SETD1B: variants seen among roughly 807,000 people sequenced by gnomAD.
SETD1B encodes SET domain containing 1B, histone lysine methyltransferase, also known as histone-lysine N-methyltransferase SETD1B.
In SETD1B, 7 loss-of-function variants were observed where a neutral mutation model predicts 148.0. That is an observed-to-expected ratio of 0.05 (90% CI 0.03 to 0.09). SETD1B has a LOEUF of 0.09. Among genes scored for constraint, SETD1B ranks in the 10% least tolerant of loss-of-function variants. SETD1B has a pLI of 1.00. For synonymous variants in SETD1B, 1,361 were observed against 1,186.5 expected (o/e 1.15, Z -3.02); for missense variants, 2,155 against 2,729.9 (o/e 0.79, Z 4.69).
Position 121,827,726 on chromosome 12 carries a change from C to T in SETD1B, c.5470-9C>T. ...CGGGGCTCACCTCTCCCCCTCTTCC[C>T]TCCCACAGTTCCGGAAGAAAAAGCT... On this transcript the variant is annotated splice_polypyrimidine_tract_variant and intron_variant, in intron 14 of 16. Coordinates refer to ENST00000604567, the MANE Select transcript of SETD1B (RefSeq NM_001353345.2). 6.4e-7 allele frequency: 1 copy of T among 1,551,886 alleles called. No homozygotes were observed.
chr12:121,797,712 G>A, the SETD1B span: 3 of 418,830 alleles, frequency 7.2e-6, no homozygotes, highest in South Asian at 3.4e-5. Flanking sequence ...CACCCGGAGA[G>A]CAACGAAGAC....
chr12:121,823,346 G>GCCACCC lies in SETD1B; in HGVS notation c.4779_4784dup (p.Pro1597_Pro1598dup), dbSNP rs1876677783. The stretch of plus-strand genomic sequence containing the variant: ...CCCCTCCACCACCCCTTCCCCCCCA[G>GCCACCC]CCACCCCCACCCCCACCTCCCCCAC... On this transcript the variant is annotated inframe_insertion, in exon 12 of 17. Coordinates refer to ENST00000604567, the MANE Select transcript of SETD1B (RefSeq NM_001353345.2). The GCCACCC allele has an allele frequency of 3.6e-5, 5 of 138,000 alleles. No individual in the cohort carries two copies. Among genetic ancestry groups the GCCACCC allele is most frequent in the African/African-American group, 4.1e-4 (2 of 4,888 alleles). The allele number at this position is 138,000 out of a possible 1,614,324, so 8.5% of individuals were successfully genotyped here.
chr12:121,793,734 A>G, the SETD1B span: 1 of 1,113,848 alleles, frequency 9.0e-7, no homozygotes, highest in South Asian at 1.9e-5. Context: ...CACTCGGAGC[A>G]GCGCCGCCTC....
chr12:121,825,110 G>T, intron 12 of SETD1B, 90 bp from the exon 13 acceptor site: 1 of 1,350,386 alleles, frequency 7.4e-7, no homozygotes, highest in South Asian at 1.4e-5. Context: ...CGCTGTCCCT[G>T]AAGGGTGGTC....
In SETD1B at chr12:121,830,379, C is replaced by A. The variant is rs1041727247; in HGVS notation, c.*140C>A. The stretch of plus-strand genomic sequence containing the variant: ...TACCCAGCGGCCATTCAGGGCCTGG[C>A]GCCCCACACTACCCCCTGGAGCCCC... On this transcript the variant is annotated 3_prime_UTR_variant, in exon 17 of 17. Transcript: ENST00000604567. The surrounding 1 kb of genome is among the most constrained non-coding windows in gnomAD (Gnocchi z 5.7). The A allele has an allele frequency of 5.3e-6, 4 of 758,210 alleles. No individual in the cohort carries two copies. In the Admixed American group the frequency reaches 1.2e-4, roughly 23 times the overall value. The allele number at this position is 758,210 out of a possible 1,614,324, so 47.0% of individuals were successfully genotyped here.
In SETD1B at chr12:121,805,098, C is replaced by T. The variant is rs1441237829; in HGVS notation, c.175-20C>T. ...GGGGGACCAGTTCTCTCATCCCGGC[C>T]CCCCAATTTCTCCCCACAGATGTCC... On this transcript the variant is annotated intron_variant, in intron 2 of 16. Coordinates refer to ENST00000604567, the MANE Select transcript of SETD1B (RefSeq NM_001353345.2). The surrounding 1 kb of genome is among the most constrained non-coding windows in gnomAD (Gnocchi z 4.2). 2 of 1,548,316 alleles carry T rather than the reference C, an allele frequency of 1.3e-6. No individual in the cohort carries two copies. The highest frequency in any genetic ancestry group is 1.4e-5 in the African/African-American group (1 of 73,090).
At chr12:121,813,958 TGAA>T (rs962213844) in intron 6 of SETD1B, 145 bp from the exon 7 acceptor site, 4 of 609,464 alleles carry the variant, frequency 6.6e-6, no homozygotes, top group African/African-American at 1.9e-5. Flanking sequence ...ATTTTGCAAA[TGAA>T]GACGCTGAGG....
upstream of SETD1B, chr12:121,799,740 G>GGGGGGGC (rs1566540807): frequency 9.2e-6 from 1 of 109,010 alleles, no homozygotes; most frequent in African/African-American, 3.1e-5. Context: ...GTGGGGTGGG[G>GGGGGGGC]CGGGGCCGCA....
At chr12:121,827,374 A>T in intron 13 of SETD1B, 145 bp from the exon 14 acceptor site, 1 of 939,808 alleles carries the variant, frequency 1.1e-6, no homozygotes, top group Non-Finnish European at 1.5e-6. Flanking sequence ...GAGGCAGGGA[A>T]GCGGTGACAA....
Position 121,817,819 on chromosome 12 carries a change from T to C in SETD1B, c.3333T>C (p.Ser1111=), listed in dbSNP as rs1287316597. The C allele has an allele frequency of 2.1e-5, 33 of 1,550,702 alleles. No individual in the cohort carries two copies. Among genetic ancestry groups the C allele is most frequent in the Admixed American group, 5.9e-5 (3 of 50,872 alleles). Residue 1111 remains serine (S), a synonymous_variant, in exon 10 of 17, where the codon AGT becomes AGC. Transcript: ENST00000604567. This position sits in a 1 kb window ranked among gnomAD's most constrained non-coding sequence, Gnocchi z 8.1. The part of the protein sequence containing the change: ...TSDKDDDDDD[S]DDRDESENDD... ...CCCAGGATGACGACGATGACGACAG[T>C]GATGACCGGGACGAGTCTGAGAACG...
Position 121,808,604 on chromosome 12 carries a change from ACCC to A in SETD1B, c.657+285_657+287del, listed in dbSNP as rs1875859878. Among the ~76,000 whole-genome samples the A allele has an allele frequency of 6.6e-6, 1 of 152,202 alleles. No homozygotes were observed. The highest frequency in any genetic ancestry group is 6.5e-5 in the Admixed American group (1 of 15,280). ...CCAGCACAGGCTGTGATTCCCACAG[ACCC>A]AGAGCCTGCCCTGGCCCGCTTTTCC... On this transcript the variant is annotated intron_variant, in intron 5 of 16. Transcript: ENST00000604567. This position sits in a 1 kb window ranked among gnomAD's most constrained non-coding sequence, Gnocchi z 5.3.
chr12:121,810,817 C>T lies in SETD1B; in HGVS notation c.1872C>T (p.Thr624=), dbSNP rs773612785. The change falls in exon 6 of 17, where the codon ACC becomes ACT. Residue 624 remains threonine (T), a synonymous_variant. Coordinates refer to ENST00000604567, the MANE Select transcript of SETD1B (RefSeq NM_001353345.2). The surrounding 1 kb of genome is among the most constrained non-coding windows in gnomAD (Gnocchi z 7.6). The part of the protein sequence containing the change: ...ALDLVGDRTP[T]SEKMDEGQQS... ...ACCTGGTTGGAGACAGAACCCCGAC[C>T]TCAGAGAAGATGGATGAGGTACCAC... 14 of 1,513,394 alleles carry T rather than the reference C, an allele frequency of 9.3e-6. No homozygotes were observed. The East Asian group carries it at 2.5e-4, about 27-fold the overall frequency. The allele number at this position is 1,513,394 out of a possible 1,614,324, so 93.7% of individuals were successfully genotyped here. A position where few individuals can be genotyped will look rare whatever the true frequency, so the allele number is the denominator to read the frequency against.
the SETD1B span, among the ~76,000 whole-genome samples, chr12:121,798,945 C>T: frequency 5.9e-5 from 9 of 152,356 alleles, no homozygotes; most frequent in Middle Eastern, 3.4e-3. Flanking sequence ...GGCACTTCTG[C>T]GTCAAAACCC....
chr12:121,813,632 C>G (rs537024694), intron 6 of SETD1B, among the ~76,000 whole-genome samples: 2 of 152,222 alleles, frequency 1.3e-5, no homozygotes, highest in Non-Finnish European at 2.9e-5. Flanking sequence ...ATAAGAGACA[C>G]TATGGAAGTG....
At position 121,804,937 on chromosome 12, in the gene SETD1B, C is replaced by T; in HGVS notation, c.174+26C>T. 6.7e-7 allele frequency: 1 copy of T among 1,481,568 alleles called. No homozygotes were observed. Among genetic ancestry groups the T allele is most frequent in the Non-Finnish European group, 9.0e-7 (1 of 1,112,258 alleles). The allele number at this position is 1,481,568 out of a possible 1,614,324, so 91.8% of individuals were successfully genotyped here. A position where few individuals can be genotyped will look rare whatever the true frequency, so the allele number is the denominator to read the frequency against. On this transcript the variant is annotated intron_variant, in intron 2 of 16. Transcript: ENST00000604567. The surrounding 1 kb of genome is among the most constrained non-coding windows in gnomAD (Gnocchi z 4.6). ...GTGAGTAGCCGGCGCGCCCCCCCAGCCGTGCCCCGCGTCGTGTCCGGGGAG... is the reference window on the plus strand; with the variant it reads ...GTGAGTAGCCGGCGCGCCCCCCCAGTCGTGCCCCGCGTCGTGTCCGGGGAG...
In SETD1B at chr12:121,819,480, G is replaced by A. The variant is rs968623009; in HGVS notation, c.3495G>A (p.Glu1165=). The change falls in exon 11 of 17, where the codon GAG becomes GAA. Residue 1165 remains glutamate (E), a synonymous_variant. Coordinates refer to ENST00000604567, the MANE Select transcript of SETD1B (RefSeq NM_001353345.2). The part of the protein sequence containing the change: ...SSESSESSEF[E]SSSESSPSSS... ...AGAGTTCCGAGTCTTCTGAGTTTGA[G>A]TCAAGCTCCGAGTCCTCGCCCTCAT... 5 of 1,552,150 alleles carry A rather than the reference G, an allele frequency of 3.2e-6. No homozygotes were observed. Among genetic ancestry groups the A allele is most frequent in the Middle Eastern group, 1.7e-4 (1 of 6,016 alleles).
chr12:121,824,651 A>G (rs1876752979), intron 12 of SETD1B, among the ~76,000 whole-genome samples: 1 of 151,850 alleles, frequency 6.6e-6, no homozygotes, highest in Non-Finnish European at 1.5e-5. Flanking sequence ...TGTCTCAAAA[A>G]AAAAAAAAAA....
At position 121,823,302 on chromosome 12, in the gene SETD1B, C is replaced by T. The variant is rs933868255; in HGVS notation, c.4723C>T (p.Arg1575Trp). The T allele has an allele frequency of 5.8e-6, 9 of 1,548,748 alleles. No individual in the cohort carries two copies. The highest frequency in any genetic ancestry group is 2.4e-5 in the South Asian group (2 of 84,024). The change falls in exon 12 of 17, where the codon CGG becomes TGG. Residue 1575 changes from arginine to tryptophan, a missense_variant. Physicochemically the swap from Arg to Trp is moderately radical, Grantham distance 101 (BLOSUM62 -3). This residue lies in a region of SETD1B where 862 missense variants were observed against 873.8 expected (regional missense o/e 0.99). Transcript: ENST00000604567. ...HDPRTVTLDF[R>W]NAGIPAPPPP... ...CCCCCGGACGGTGACCCTGGACTTC[C>T]GGAACGCGGGGATCCCAGCCCCTCC...
upstream of SETD1B, chr12:121,803,943 A>G: frequency 6.3e-6 from 1 of 157,774 alleles, no homozygotes; most frequent in Non-Finnish European, 1.4e-5. The surrounding 1 kb of genome is among the most constrained non-coding windows in gnomAD (Gnocchi z 4.7). Context: ...AGGAGAGGGG[A>G]GGAGGAAGAG....
Sources: allele counts gnomAD v4.1 joint callset (sites outside exome capture counted in the v4.1 genomes callset), GRCh38; gene constraint gnomAD v4.1.1; regional missense constraint gnomAD v4.1.1; non-coding constraint Gnocchi (gnomAD v3.1); transcripts MANE v1.5; gene names NCBI Gene and HGNC (gene_info 2026-07-23, HGNC 2026-07-21).